ST6GALNAC3: variants seen among roughly 807,000 people sequenced by gnomAD.
The protein encoded by ST6GALNAC3 is alpha-N-acetylgalactosaminide alpha-2,6-sialyltransferase 3.
In ST6GALNAC3, 25 loss-of-function variants were observed where a neutral mutation model predicts 32.7. The ratio of observed to expected loss-of-function variants is 0.76; its 90% CI spans 0.56 to 1.07. The LOEUF is 1.07. ST6GALNAC3 is among the 50% of genes least tolerant of loss of function. The pLI, the probability that ST6GALNAC3 is intolerant of heterozygous loss-of-function variation, is 0.00. For missense variants in ST6GALNAC3, 355 were observed against 382.4 expected (o/e 0.93, Z 0.60); for synonymous variants, 129 against 133.1 (o/e 0.97, Z 0.21).
At chr1:76,316,344 A>G (rs1646865480) in intron 2 of ST6GALNAC3, among the ~76,000 whole-genome samples, 1 of 152,146 alleles carries the variant, frequency 6.6e-6, no homozygotes, top group Non-Finnish European at 1.5e-5. Context: ...AACATGTAGC[A>G]GCATTTTTCC....
At chr1:76,504,539 A>G (rs1350632790) in intron 3 of ST6GALNAC3, among the ~76,000 whole-genome samples, 1 of 152,176 alleles carries the variant, frequency 6.6e-6, no homozygotes, top group African/African-American at 2.4e-5. Flanking sequence ...TCTAGTGTGA[A>G]GAATTATACT....
intron 1 of ST6GALNAC3, among the ~76,000 whole-genome samples, chr1:76,124,796 G>A (rs548941349): frequency 1.4e-4 from 21 of 152,186 alleles, no homozygotes; most frequent in Admixed American, 2.6e-4. Context: ...TAAAATATTT[G>A]TATACAACTA....
chr1:76,372,371 C>G (rs747929694), intron 2 of ST6GALNAC3, among the ~76,000 whole-genome samples: 1 of 151,974 alleles, frequency 6.6e-6, no homozygotes, highest in Non-Finnish European at 1.5e-5. Flanking sequence ...TGCACACACA[C>G]GCGCACACAC....
chr1:76,156,489 A>C (rs1186666313), intron 1 of ST6GALNAC3, among the ~76,000 whole-genome samples: 1 of 151,968 alleles, frequency 6.6e-6, no homozygotes. Context: ...GGACTCATAG[A>C]GATTTATTCC....
chr1:76,534,485 C>G (rs1275185008), intron 3 of ST6GALNAC3, among the ~76,000 whole-genome samples: 1 of 152,158 alleles, frequency 6.6e-6, no homozygotes, highest in Non-Finnish European at 1.5e-5. Flanking sequence ...AATCCCCTGG[C>G]CTTCATTTAC....
At chr1:76,277,528 GTATATATATATATATATATA>G (rs370795804) in intron 1 of ST6GALNAC3, among the ~76,000 whole-genome samples, 28 of 84,596 alleles carry the variant, frequency 3.3e-4, no homozygotes, top group African/African-American at 1.0e-3. Flanking sequence ...ATGTTTATGT[GTATATATATATATATATATA>G]TATATATATA....
In ST6GALNAC3 at chr1:76,207,294, C is replaced by T. The variant is rs753969418; in HGVS notation, c.19-106511C>T. On this transcript the variant is annotated intron_variant, in intron 1 of 4. Coordinates refer to ENST00000328299, the MANE Select transcript of ST6GALNAC3 (RefSeq NM_152996.4). ...GTGTTTCTCACTGTGATGCTAGGCT[C>T]GCCTGCCTGTGTGCCTGTCCCACCA... Among the ~76,000 whole-genome samples the T allele has an allele frequency of 4.6e-5, 7 of 152,214 alleles. No individual in the cohort carries two copies. In the South Asian group the frequency reaches 6.2e-4, roughly 14 times the overall value.
intron 3 of ST6GALNAC3, among the ~76,000 whole-genome samples, chr1:76,470,933 T>C (rs999149885): frequency 2.6e-5 from 4 of 152,060 alleles, no homozygotes; most frequent in Non-Finnish European, 4.4e-5. Flanking sequence ...CCTTTACAGA[T>C]TGTTGATACA....
At chr1:76,231,453 T>C (rs1430433518) in intron 1 of ST6GALNAC3, among the ~76,000 whole-genome samples, 1 of 152,242 alleles carries the variant, frequency 6.6e-6, no homozygotes, top group Non-Finnish European at 1.5e-5. Context: ...CGTTTTCATC[T>C]TGTAGAACTG....
chr1:76,210,794 T>G (rs553560886), intron 1 of ST6GALNAC3, among the ~76,000 whole-genome samples: 1 of 152,350 alleles, frequency 6.6e-6, no homozygotes, highest in Non-Finnish European at 1.5e-5. Context: ...TTGCCCAGGC[T>G]GGAGTCCAAT....
intron 3 of ST6GALNAC3, among the ~76,000 whole-genome samples, chr1:76,487,112 C>G (rs572244362): frequency 2.6e-5 from 4 of 152,292 alleles, no homozygotes; most frequent in Admixed American, 2.6e-4. Flanking sequence ...GTCTGATAGC[C>G]TTCCCTTTGT....
chr1:76,167,395 G>T (rs1652190155), intron 1 of ST6GALNAC3, among the ~76,000 whole-genome samples: 1 of 152,112 alleles, frequency 6.6e-6, no homozygotes, highest in Non-Finnish European at 1.5e-5. Flanking sequence ...GCTGGATTTG[G>T]TTTGTCAGTA....
chr1:76,321,455 T>C (rs1290933237), intron 2 of ST6GALNAC3, among the ~76,000 whole-genome samples: 1 of 152,214 alleles, frequency 6.6e-6, no homozygotes, highest in Admixed American at 6.5e-5. Flanking sequence ...GTCTTCTTTT[T>C]ACTTTTGCTG....
intron 1 of ST6GALNAC3, among the ~76,000 whole-genome samples, chr1:76,237,108 G>A (rs1195391082): frequency 2.6e-5 from 4 of 152,098 alleles, no homozygotes; most frequent in African/African-American, 9.7e-5. Flanking sequence ...TTTATGATGC[G>A]GGTGTGAAAT....
In ST6GALNAC3 at chr1:76,447,464, C is replaced by G. The variant is rs114582156; in HGVS notation, c.623+35047C>G. ...CCATTTTCTGAGGAGAAATTGAAGC[C>G]CTGCAGAAATTTGCATAAGTAACAA... On this transcript the variant is annotated intron_variant, in intron 3 of 4. Transcript: ENST00000328299. 5.1e-3 allele frequency among the ~76,000 whole-genome samples: 776 copies of G among 152,086 alleles called. 8 individuals are homozygous for G. The highest frequency in any genetic ancestry group is 0.017 in the African/African-American group (710 of 41,482).
intron 3 of ST6GALNAC3, among the ~76,000 whole-genome samples, chr1:76,550,109 C>T (rs1476664562): frequency 6.6e-6 from 1 of 152,194 alleles, no homozygotes; most frequent in Non-Finnish European, 1.5e-5. Flanking sequence ...TCTTTTTCCA[C>T]ACTGTTGCTA....
At chr1:76,232,984 A>C (rs1344293033) in intron 1 of ST6GALNAC3, among the ~76,000 whole-genome samples, 1 of 152,176 alleles carries the variant, frequency 6.6e-6, no homozygotes, top group Non-Finnish European at 1.5e-5. Flanking sequence ...AACCTCATCA[A>C]GTCTCTGAGA....
chr1:76,111,481 C>A (rs557656911), intron 1 of ST6GALNAC3, among the ~76,000 whole-genome samples: 2 of 150,612 alleles, frequency 1.3e-5, no homozygotes, highest in African/African-American at 2.5e-5. Flanking sequence ...GGGTGTTTCT[C>A]GCAGAGGGGG....
At chr1:76,326,091 G>C (rs1479112984) in intron 2 of ST6GALNAC3, among the ~76,000 whole-genome samples, 1 of 151,980 alleles carries the variant, frequency 6.6e-6, no homozygotes, top group Non-Finnish European at 1.5e-5. Flanking sequence ...TGTTTTTGTG[G>C]ACCAGTTGCC....
Sources: gnomAD v4.1 joint callset for allele counts (sites outside exome capture counted in the v4.1 genomes callset) on GRCh38, gnomAD v4.1.1 for gene constraint, MANE v1.5 for transcripts, NCBI Gene and HGNC (gene_info 2026-07-23, HGNC 2026-07-21) for gene names.